PARG: variants seen among roughly 807,000 people sequenced by gnomAD.
The protein encoded by PARG is poly(ADP-ribose) glycohydrolase.
Under a neutral mutation model 113.0 loss-of-function variants are expected in PARG, and 35 were observed. The ratio of observed to expected loss-of-function variants is 0.31; its 90% CI spans 0.24 to 0.41. PARG has a LOEUF of 0.41. Ranked by LOEUF, PARG falls within the 10% of genes least tolerant of loss-of-function variation. The probability of loss-of-function intolerance (pLI) is 1.00; values close to 1 mark genes in which losing one functional copy is unlikely to be tolerated. For missense variants in PARG, 797 were observed against 1,169.4 expected, an observed-to-expected ratio of 0.68 and a Z score of 4.64; for synonymous variants, 330 against 409.9, an observed-to-expected ratio of 0.81 and a Z score of 2.36.
intron 4 of PARG, among the ~76,000 whole-genome samples, chr10:49,926,027 G>A (rs550673324): frequency 6.6e-6 from 1 of 152,204 alleles, no homozygotes; most frequent in Non-Finnish European, 1.5e-5. Flanking sequence ...ATTCCGGTTA[G>A]CTAAACATTT....
intron 7 of PARG, among the ~76,000 whole-genome samples, chr10:49,909,455 C>G (rs1554845691): frequency 6.6e-6 from 1 of 152,042 alleles, no homozygotes; most frequent in Admixed American, 6.6e-5. Flanking sequence ...AGTTCAAAAA[C>G]TGTTATTTTA....
Position 49,933,792 on chromosome 10 carries a change from G to C in PARG, c.656C>G (p.Ala219Gly). 3 of 1,613,430 alleles carry C rather than the reference G, an allele frequency of 1.9e-6. No homozygotes were observed. The highest frequency in any genetic ancestry group is 2.5e-6 in the Non-Finnish European group (3 of 1,179,394). Residue 219 changes from alanine (A) to glycine (G), a missense_variant, in exon 3 of 18, where the codon GCA becomes GGA. Ala to Gly is a moderately conservative substitution (Grantham distance 60). Coordinates refer to ENST00000616448, the MANE Select transcript of PARG (RefSeq NM_003631.5). The part of the protein sequence containing the change: ...QFLTTVKLAN[A>G]KQTTEDEQAR... ...CTGTTCATCTTCTGTAGTCTGCTTT[G>C]CATTTGCAAGCTTTACAGTTGTGAG... is the stretch of plus-strand genomic sequence containing the variant.
intron 3 of PARG, among the ~76,000 whole-genome samples, 191 bp downstream of exon 3, chr10:49,932,986 T>C (rs1419020784): frequency 6.6e-6 from 1 of 152,258 alleles, no homozygotes; most frequent in Admixed American, 6.5e-5. Context: ...ATATTTATTT[T>C]ATTTCTTGTT....
At chr10:49,821,409 T>C (rs1446187950) in intron 16 of PARG, among the ~76,000 whole-genome samples, 3 of 152,214 alleles carry the variant, frequency 2.0e-5, no homozygotes, top group Non-Finnish European at 2.9e-5. Context: ...AGATGGAGTC[T>C]TGCTCTGTCA....
intron 7 of PARG, among the ~76,000 whole-genome samples, chr10:49,886,633 T>A (rs1847500686): frequency 6.6e-6 from 1 of 152,236 alleles, no homozygotes; most frequent in African/African-American, 2.4e-5. Flanking sequence ...GGAAAAGCAA[T>A]CACAGCCCAT....
intron 10 of PARG, among the ~76,000 whole-genome samples, chr10:49,866,720 C>A (rs1312998683): frequency 5.3e-5 from 8 of 152,070 alleles, no homozygotes; most frequent in Admixed American, 4.6e-4. Flanking sequence ...CTTGAGAGCA[C>A]GTCTGTTAGC....
intron 7 of PARG, among the ~76,000 whole-genome samples, chr10:49,910,352 T>C (rs1837102643): frequency 1.3e-5 from 2 of 152,250 alleles, no homozygotes; most frequent in South Asian, 4.1e-4. Context: ...GCTATATATC[T>C]ATATTTAAAT....
chr10:49,847,156 C>G (rs2664642), intron 13 of PARG, among the ~76,000 whole-genome samples: 1 of 141,214 alleles, frequency 7.1e-6, no homozygotes, highest in African/African-American at 2.6e-5. Flanking sequence ...AAGGGAAAAT[C>G]CTTCCTTATA....
chr10:49,921,646 GA>G (rs1837878872), intron 6 of PARG, among the ~76,000 whole-genome samples: 1 of 151,772 alleles, frequency 6.6e-6, no homozygotes, highest in Non-Finnish European at 1.5e-5. Flanking sequence ...GTCTCTGAAA[GA>G]AAATAAAACT....
chr10:49,899,067 A>T (rs1392382369), intron 7 of PARG, among the ~76,000 whole-genome samples: 2 of 152,158 alleles, frequency 1.3e-5, no homozygotes, highest in Non-Finnish European at 2.9e-5. Flanking sequence ...GACACTTTCT[A>T]TCTGGATTAG....
At chr10:49,849,096 G>A (rs1845642469) in intron 13 of PARG, among the ~76,000 whole-genome samples, 1 of 152,132 alleles carries the variant, frequency 6.6e-6, no homozygotes, top group Non-Finnish European at 1.5e-5. Context: ...TAGGGAGGCT[G>A]AGGCAGGAGA....
At chr10:49,833,455 T>C (rs1382906025) in intron 15 of PARG, among the ~76,000 whole-genome samples, 1 of 152,228 alleles carries the variant, frequency 6.6e-6, no homozygotes, top group Non-Finnish European at 1.5e-5. Context: ...CAACTATCTA[T>C]AGAAGGGATT....
chr10:49,834,333 A>T (rs1844812027), intron 15 of PARG, among the ~76,000 whole-genome samples: 1 of 152,222 alleles, frequency 6.6e-6, no homozygotes, highest in Admixed American at 6.5e-5. Flanking sequence ...AGGCTTCCTC[A>T]GATTCCTAGT....
At chr10:49,859,045 A>T (rs1270585050) in intron 12 of PARG, among the ~76,000 whole-genome samples, 2 of 149,922 alleles carry the variant, frequency 1.3e-5, no homozygotes, top group Non-Finnish European at 3.0e-5. Flanking sequence ...TTCTAATAAT[A>T]CAATTAACTA....
Position 49,822,224 on chromosome 10 carries a change from C to CTG in PARG, c.2648-1933_2648-1932dup, listed in dbSNP as rs150376140. 1.2e-3 allele frequency among the ~76,000 whole-genome samples: 179 copies of CTG among 149,596 alleles called. 1 individual carries two copies. Among genetic ancestry groups the CTG allele is most frequent in the Middle Eastern group, 0.01 (3 of 290 alleles). On this transcript the variant is annotated intron_variant, in intron 16 of 17. Transcript: ENST00000616448. ...CTCATGATGTCGAAAATATGTGTATCTGTGTGTGTGTGTGTGTGTATGTGT... is the reference window on the plus strand; with the variant it reads ...CTCATGATGTCGAAAATATGTGTATCTGTGTGTGTGTGTGTGTGTGTATGTGT...
chr10:49,925,135 C>A (rs1838088197), intron 4 of PARG, among the ~76,000 whole-genome samples: 1 of 152,000 alleles, frequency 6.6e-6, no homozygotes, highest in Admixed American at 6.6e-5. Flanking sequence ...CATCCCCCAA[C>A]CCATGGAAAA....
At chr10:49,911,703 G>T (rs1407051510) in intron 7 of PARG, among the ~76,000 whole-genome samples, 3 of 152,210 alleles carry the variant, frequency 2.0e-5, no homozygotes, top group African/African-American at 4.8e-5. Context: ...CAGTAGAGGT[G>T]CTCACACACC....
At chr10:49,840,465 G>A (rs2132439904) in intron 15 of PARG, among the ~76,000 whole-genome samples, 1 of 151,736 alleles carries the variant, frequency 6.6e-6, no homozygotes, top group Admixed American at 6.6e-5. Flanking sequence ...TCAGAGTCAG[G>A]TAGGAGAGAA....
At chr10:49,869,600 C>T (rs781907759) in intron 9 of PARG, 45 bp from the exon 10 acceptor site, 1 of 763,422 alleles carries the variant, frequency 1.3e-6, no homozygotes, top group African/African-American at 1.7e-5. Flanking sequence ...AGTTAAAATG[C>T]CTTAATGATT....
Sources: gnomAD v4.1 joint callset for allele counts (sites outside exome capture counted in the v4.1 genomes callset) on GRCh38, gnomAD v4.1.1 for gene constraint, MANE v1.5 for transcripts, NCBI Gene and HGNC (gene_info 2026-07-23, HGNC 2026-07-21) for gene names.